Variants in C1RL observed in about 807,000 individuals in gnomAD.
The protein encoded by C1RL is complement C1r subcomponent-like protein.
In C1RL, 27 loss-of-function variants were observed where a neutral mutation model predicts 27.9. That is an observed-to-expected ratio of 0.97 (90% confidence interval 0.71 to 1.33). The LOEUF is 1.33. C1RL is among the 40% of genes most tolerant of loss of function. The pLI, the probability that C1RL is intolerant of heterozygous loss-of-function variation, is 0.00. For missense variants in C1RL, 563 were observed against 623.9 expected, an observed-to-expected ratio of 0.90 and a Z score of 1.04; for synonymous variants, 248 against 252.1, an observed-to-expected ratio of 0.98 and a Z score of 0.15.
intron 2 of C1RL, among the ~76,000 whole-genome samples, chr12:7,107,253 C>T (rs1409999826): frequency 1.3e-5 from 2 of 151,982 alleles, no homozygotes; most frequent in Non-Finnish European, 2.9e-5. Flanking sequence ...ACTGCAGCCT[C>T]TACCTTCCAG....
In C1RL at chr12:7,094,938, C is replaced by G. The variant is rs1006121491; in HGVS notation, c.*1453G>C. ...TGTGGGTGTAAAAAACAGAAGTAAT[C>G]ACATGTATGTACAACTTTGAATCCT... is the stretch of plus-strand genomic sequence containing the variant. On this transcript the variant is annotated 3_prime_UTR_variant, in exon 6 of 6. Coordinates refer to ENST00000266542, the MANE Select transcript of C1RL (RefSeq NM_016546.4). 1.1e-5 allele frequency: 12 copies of G among 1,086,930 alleles called. No individual in the cohort carries two copies. The highest frequency in any genetic ancestry group is 1.7e-5 in the African/African-American group (1 of 57,954). The allele number at this position is 1,086,930 out of a possible 1,614,324, so 67.3% of individuals were successfully genotyped here. A position where few individuals can be genotyped will look rare whatever the true frequency, so the allele number is the denominator to read the frequency against.
intron 4 of C1RL, 43 bp from the exon 5 acceptor site, chr12:7,099,803 T>C (rs916740681): frequency 1.2e-6 from 2 of 1,610,624 alleles, no homozygotes; most frequent in African/African-American, 2.7e-5. Flanking sequence ...GGCTCGGAGT[T>C]GAAGCTGTTG....
intron 3 of C1RL, among the ~76,000 whole-genome samples, chr12:7,101,322 G>A (rs1298149299): frequency 6.7e-6 from 1 of 150,100 alleles, no homozygotes; most frequent in Non-Finnish European, 1.5e-5. Context: ...CCAGGCTGGA[G>A]TGCGGTGGCA....
At chr12:7,103,495 TGGTGAGGATGGA>T (rs1219140739) in intron 2 of C1RL, among the ~76,000 whole-genome samples, 1 of 152,190 alleles carries the variant, frequency 6.6e-6, no homozygotes, top group Non-Finnish European at 1.5e-5. Context: ...CTAAGAGCAG[TGGTGAGGATGGA>T]TACTCAATAC....
Position 7,095,729 on chromosome 12 carries a change from C to G in C1RL, c.*662G>C. 2.3e-6 allele frequency: 2 copies of G among 874,042 alleles called. No individual in the cohort carries two copies. Among genetic ancestry groups the G allele is most frequent in the Non-Finnish European group, 2.7e-6 (2 of 728,516 alleles). 54.1% of individuals were successfully genotyped at this position (874,042 alleles called of 1,614,324 possible). A position where few individuals can be genotyped will look rare whatever the true frequency, so the allele number is the denominator to read the frequency against. On this transcript the variant is annotated 3_prime_UTR_variant, in exon 6 of 6. Coordinates refer to ENST00000266542, the MANE Select transcript of C1RL (RefSeq NM_016546.4). The stretch of plus-strand genomic sequence containing the variant: ...AGAGCACAGTCTCTGCAGTCACACA[C>G]CAGCTGTGGGACTTGGGCAAGTCCC...
rs753548767 is a variant in C1RL at position 7,096,492 on chromosome 12, T to C, written c.1363A>G (p.Ile455Val). The change falls in exon 6 of 6, where the codon ATT becomes GTT. Residue 455 changes from isoleucine to valine, a missense_variant. Coordinates refer to ENST00000266542, the MANE Select transcript of C1RL (RefSeq NM_016546.4). ...CCACACCCTATGCCCCAGGACACAA[T>C]GCCCGTGGCCACCCAGTGATGGGCA... Reference protein sequence around the residue: ...NHAHHWVATGIVSWGIGCGEG... With the variant: ...NHAHHWVATGVVSWGIGCGEG... The C allele has an allele frequency of 9.3e-6, 15 of 1,614,120 alleles. No homozygotes were observed. The South Asian group carries it at 1.6e-4, about 18-fold the overall frequency.
chr12:7,099,193 T>C (rs921209196), intron 5 of C1RL, among the ~76,000 whole-genome samples: 4 of 120,088 alleles, frequency 3.3e-5, no homozygotes, highest in Non-Finnish European at 6.4e-5. Flanking sequence ...CCGTTGCACT[T>C]CAGTCTGGGC....
chr12:7,102,182 C>G lies in C1RL; in HGVS notation c.301-95G>C. 5 of 1,321,008 alleles carry G rather than the reference C, an allele frequency of 3.8e-6. No individual in the cohort carries two copies. In the South Asian group the frequency reaches 6.6e-5, roughly 17 times the overall value. 81.8% of individuals were successfully genotyped at this position (1,321,008 alleles called of 1,614,324 possible). ...GCACATCCTCGGTGTGACTCCTGCCCCATCTAGACGGGCCGTGCCCCTCTG... is the reference window on the plus strand; with the variant it reads ...GCACATCCTCGGTGTGACTCCTGCCGCATCTAGACGGGCCGTGCCCCTCTG... On this transcript the variant is annotated intron_variant, in intron 2 of 5. Coordinates refer to ENST00000266542, the MANE Select transcript of C1RL (RefSeq NM_016546.4).
intron 2 of C1RL, 36 bp downstream of exon 2, chr12:7,108,215 A>C: frequency 2.0e-6 from 3 of 1,499,080 alleles, no homozygotes; most frequent in Non-Finnish European, 2.7e-6. Flanking sequence ...CTCCCTGGCC[A>C]CAGTCCTGGC....
chr12:7,108,282 G>C lies in C1RL; in HGVS notation c.269C>G (p.Pro90Arg), dbSNP rs766070863. ...AGAGTCCCCTGCACAGTCCTGGGACGGCTCCAGGTCGAAGTCCTGGAAGAC... is the reference window on the plus strand; with the variant it reads ...AGAGTCCCCTGCACAGTCCTGGGACCGCTCCAGGTCGAAGTCCTGGAAGAC... The part of the protein sequence containing the change: ...RLVFQDFDLE[P>R]SQDCAGDSVT... The change falls in exon 2 of 6, where the codon CCG becomes CGG. Residue 90 changes from proline to arginine, a missense_variant. Physicochemically the swap from Pro to Arg is moderately radical, Grantham distance 103. Coordinates refer to ENST00000266542, the MANE Select transcript of C1RL (RefSeq NM_016546.4). 10 of 1,613,836 alleles carry C rather than the reference G, an allele frequency of 6.2e-6. No homozygotes were observed. Among genetic ancestry groups the C allele is most frequent in the Middle Eastern group, 1.6e-4 (1 of 6,084 alleles).
rs754209479 is a variant in C1RL at position 7,096,613 on chromosome 12, C to T, written c.1242G>A (p.Val414=). The change falls in exon 6 of 6, where the codon GTG becomes GTA. Residue 414 remains valine (V), a synonymous_variant. Coordinates refer to ENST00000266542, the MANE Select transcript of C1RL (RefSeq NM_016546.4). ...AWLQKRQRPE[V]FSDNMFCVGD... is the part of the protein sequence containing the mutation. ...CAACACAGAACATATTGTCAGAAAA[C>T]ACCTCGGGTCTCTGTCTCTTTTGGA... 6.2e-7 allele frequency: 1 copy of T among 1,614,160 alleles called. No homozygotes were observed. The highest frequency in any genetic ancestry group is 1.1e-5 in the South Asian group (1 of 91,092).
rs1211995046 is a variant in C1RL, at chr12:7,096,530, A to G, written c.1325T>C (p.Val442Ala). 6.2e-7 allele frequency: 1 copy of G among 1,614,138 alleles called. No individual in the cohort carries two copies. The highest frequency in any genetic ancestry group is 8.5e-7 in the Non-Finnish European group (1 of 1,180,020). The stretch of plus-strand genomic sequence containing the variant: ...CCAGTGATGGGCATGATTGTCCCAT[A>G]CCACATAGACGCTGCCACTGTCCCC... ...CQGDSGSVYVVWDNHAHHWVA... is the reference protein window; with the variant it reads ...CQGDSGSVYVAWDNHAHHWVA... Residue 442 changes from valine to alanine, a missense_variant, in exon 6 of 6, where the codon GTA becomes GCA. Val to Ala is a moderately conservative substitution (Grantham distance 64). Transcript: ENST00000266542.
In C1RL at chr12:7,096,510, G is replaced by A. The variant is rs757968844; in HGVS notation, c.1345C>T (p.His449Tyr). 1 of 1,614,116 alleles carries A rather than the reference G, an allele frequency of 6.2e-7. No homozygotes were observed. Among genetic ancestry groups the A allele is most frequent in the South Asian group, 1.1e-5 (1 of 91,080 alleles). ...GACACAATGCCCGTGGCCACCCAGT[G>A]ATGGGCATGATTGTCCCATACCACA... The part of the protein sequence containing the change: ...VYVVWDNHAH[H>Y]WVATGIVSWG... Residue 449 changes from histidine to tyrosine, a missense_variant, in exon 6 of 6, where the codon CAC becomes TAC. His to Tyr is a moderately conservative substitution (Grantham distance 83). Transcript: ENST00000266542.
chr12:7,109,000 GGAT>G (rs1565640606), intron 1 of C1RL, 107 bp downstream of exon 1: 9 of 366,210 alleles, frequency 2.5e-5, no homozygotes, highest in African/African-American at 4.9e-5. Context: ...GGGGGGGGGG[GGAT>G]GTGTGTGTGG....
chr12:7,098,226 GCGC>G (rs1473018231), intron 5 of C1RL: 2 of 152,198 alleles, frequency 1.3e-5, no homozygotes, highest in East Asian at 3.9e-4. Flanking sequence ...AACCGAGATC[GCGC>G]CACTGCACTC....
Position 7,102,084 on chromosome 12 carries a change from A to AGATCTGAAAGC in C1RL, c.301-8_303dup (p.Ser102AlafsTer40), listed in dbSNP as rs1296648154. ...TGGCTTGGATCCGAACCGACGAATG[A>AGATCTGAAAGC]GATCTGAAAGCGGGAGGAGGAGTGA... On this transcript the variant is annotated frameshift_variant, in exon 3 of 6. Transcript: ENST00000266542. LOFTEE classifies it high-confidence loss of function. 13 of 1,601,824 alleles carry AGATCTGAAAGC rather than the reference A, an allele frequency of 8.1e-6. No homozygotes were observed. Among genetic ancestry groups the AGATCTGAAAGC allele is most frequent in the Non-Finnish European group, 1.0e-5 (12 of 1,169,828 alleles).
rs777967374 is a variant in C1RL at position 7,109,139 on chromosome 12, G to T, written c.42C>A (p.Ser14Arg). The T allele has an allele frequency of 1.0e-5, 16 of 1,599,694 alleles. No homozygotes were observed. Among genetic ancestry groups the T allele is most frequent in the Non-Finnish European group, 1.3e-5 (15 of 1,172,696 alleles). The part of the protein sequence containing the change: ...PRVWGKYLWR[S>R]PHSKGCPGAM... ...CGCCTGGACAGCCTTTGGAGTGAGG[G>T]CTTCTCCAGAGATATTTCCCCCACA... The change falls in exon 1 of 6, where the codon AGC becomes AGA. Residue 14 changes from serine (S) to arginine (R), a missense_variant. Physicochemically the swap from Ser to Arg is moderately radical, Grantham distance 110 (BLOSUM62 -1). Coordinates refer to ENST00000266542, the MANE Select transcript of C1RL (RefSeq NM_016546.4).
Position 7,099,738 on chromosome 12 carries a change from TG to T in C1RL, c.638del (p.Pro213GlnfsTer87). ...AAAGALTCATPGTWKDRQDGE... is the reference protein window; with the variant it reads ...AAAGALTCATXGTWKDRQDGE... ...CATCCTGTCTGTCTTTCCAGGTCCC[TG>T]GGGTTGCACAGGTGAGTGCCCCTGT... On this transcript the variant is annotated frameshift_variant, in exon 5 of 6. Coordinates refer to ENST00000266542, the MANE Select transcript of C1RL (RefSeq NM_016546.4). LOFTEE classifies it high-confidence loss of function. The T allele has an allele frequency of 1.3e-6, 2 of 1,573,398 alleles. No homozygotes were observed. The highest frequency in any genetic ancestry group is 1.7e-6 in the Non-Finnish European group (2 of 1,159,030).
chr12:7,108,798 C>T (rs1044450108), intron 1 of C1RL: 2 of 552,114 alleles, frequency 3.6e-6, no homozygotes, highest in African/African-American at 3.8e-5. Flanking sequence ...AGATCCCACC[C>T]CACCCTGGGA....
Sources: gnomAD v4.1 joint callset for allele counts (sites outside exome capture counted in the v4.1 genomes callset) on GRCh38, gnomAD v4.1.1 for gene constraint, MANE v1.5 for transcripts, NCBI Gene and HGNC (gene_info 2026-07-23, HGNC 2026-07-21) for gene names.